Variants in LIPE observed in about 807,000 individuals in gnomAD.
The protein encoded by LIPE is lipase E, hormone sensitive type, also known as hormone-sensitive lipase.
LIPE carries 66 observed loss-of-function variants against 88.5 expected under a neutral mutation model. The observed-to-expected ratio is 0.75, with a 90% CI of 0.61 to 0.91. LIPE has a LOEUF of 0.91. Among genes scored for constraint, LIPE ranks in the 40% least tolerant of loss-of-function variants. The pLI is 0.00. For synonymous variants in LIPE, 570 were observed against 617.5 expected (o/e 0.92, Z 1.14); for missense variants, 1,346 against 1,434.7 (o/e 0.94, Z 1.00).
intron 1 of LIPE, among the ~76,000 whole-genome samples, chr19:42,425,632 C>G (rs962115613): frequency 1.3e-5 from 2 of 152,088 alleles, no homozygotes; most frequent in South Asian, 4.2e-4. Context: ...GGCAACATAG[C>G]GAGGCCACGT....
intron 1 of LIPE, chr19:42,423,611 C>G: frequency 8.3e-7 from 1 of 1,197,834 alleles, no homozygotes; most frequent in Non-Finnish European, 1.1e-6. Flanking sequence ...CCTCGCTACA[C>G]ACTACTGTCG....
chr19:42,424,991 G>A (rs1205148021), intron 1 of LIPE: 1 of 264,182 alleles, frequency 3.8e-6, no homozygotes, highest in East Asian at 1.1e-4. Context: ...CCCTGACCTT[G>A]CCTGAGACCT....
At chr19:42,423,036 C>A (rs1244608184) in intron 1 of LIPE, 2 of 232,986 alleles carry the variant, frequency 8.6e-6, no homozygotes, top group South Asian at 8.2e-5. Context: ...CCTCCTTCCC[C>A]CTTATCCTCT....
Position 42,407,022 on chromosome 19 carries a change from A to T in LIPE, c.2137+152T>A. On this transcript the variant is annotated intron_variant, in intron 6 of 9. Coordinates refer to ENST00000244289, the MANE Select transcript of LIPE (RefSeq NM_005357.4). This position sits in a 1 kb window ranked among gnomAD's most constrained non-coding sequence, Gnocchi z 5.8. ...TTGGGGACAGAGGATAAAGTGGCTG[A>T]GGTGGAAGATTGGGCAGGACCTGGG... The T allele has an allele frequency of 1.5e-6, 1 of 673,418 alleles. No homozygotes were observed. The allele number at this position is 673,418 out of a possible 1,614,324, so 41.7% of individuals were successfully genotyped here. A position where few individuals can be genotyped will look rare whatever the true frequency, so the allele number is the denominator to read the frequency against.
rs923183491 is a variant in LIPE at position 42,421,984 on chromosome 19, C to T, written c.883+4283G>A. Among the ~76,000 whole-genome samples, 5 of 152,234 alleles carry T rather than the reference C, an allele frequency of 3.3e-5. No individual in the cohort carries two copies. The East Asian group carries it at 9.6e-4, about 29-fold the overall frequency. ...ACTGGATTCTGACTCCTCATGACAA[C>T]CCTAAGGGAAGCGTGATTATTATGA... On this transcript the variant is annotated intron_variant, in intron 1 of 9. Transcript: ENST00000244289.
rs764334767 is a variant in LIPE, at chr19:42,426,606, C to G, written c.544G>C (p.Glu182Gln). Residue 182 changes from glutamate to glutamine, a missense_variant, in exon 1 of 10, where the codon GAA becomes CAA. Transcript: ENST00000244289. Reference protein sequence around the residue: ...PTESTSQETPEQSDKQTTPVQ... With the variant: ...PTESTSQETPQQSDKQTTPVQ... ...GGCGTTGTTTGCTTGTCTGACTGTTCAGGTGTCTCTTGGGACGTAGATTCA... is the reference window on the plus strand; with the variant it reads ...GGCGTTGTTTGCTTGTCTGACTGTTGAGGTGTCTCTTGGGACGTAGATTCA... 5.0e-6 allele frequency: 8 copies of G among 1,614,184 alleles called. No individual in the cohort carries two copies. The highest frequency in any genetic ancestry group is 6.8e-6 in the Non-Finnish European group (8 of 1,180,042).
rs1415425481 is a variant in LIPE at position 42,407,310 on chromosome 19, G to C, written c.2001C>G (p.Leu667=). Residue 667 remains leucine, a synonymous_variant, in exon 6 of 10, where the codon CTC becomes CTG. Coordinates refer to ENST00000244289, the MANE Select transcript of LIPE (RefSeq NM_005357.4). The surrounding 1 kb of genome is among the most constrained non-coding windows in gnomAD (Gnocchi z 5.8). ...AQTSRSHEPY[L]KSWAQELGAP... is the part of the protein sequence containing the mutation. ...CGCCCAGCTCCTGGGCCCAGCTCTT[G>C]AGGTAGGGCTCGTGGGATCTGGAGG... 4 of 1,611,566 alleles carry C rather than the reference G, an allele frequency of 2.5e-6. No homozygotes were observed. In the South Asian group the frequency reaches 4.4e-5, roughly 18 times the overall value.
chr19:42,424,046 G>T, intron 1 of LIPE: 1 of 1,183,484 alleles, frequency 8.4e-7, no homozygotes, highest in Non-Finnish European at 1.1e-6. Context: ...TCAAAGACGA[G>T]GCGGGGCGCC....
At position 42,410,275 on chromosome 19, in the gene LIPE, G is replaced by A. The variant is rs373163203; in HGVS notation, c.1419+32C>T. 93 of 1,522,254 alleles carry A rather than the reference G, an allele frequency of 6.1e-5. No individual in the cohort carries two copies. The highest frequency in any genetic ancestry group is 8.0e-5 in the Non-Finnish European group (90 of 1,129,814). The allele number at this position is 1,522,254 out of a possible 1,614,324, so 94.3% of individuals were successfully genotyped here. A position where few individuals can be genotyped will look rare whatever the true frequency, so the allele number is the denominator to read the frequency against. On this transcript the variant is annotated intron_variant, in intron 2 of 9. Transcript: ENST00000244289. The surrounding 1 kb of genome is among the most constrained non-coding windows in gnomAD (Gnocchi z 6.1). ...AGGGGCCACCAGGTGCCTTCATTGT[G>A]GGCCCAGAGGGGCACGGGGCAGGGG...
rs1386233125 is a variant in LIPE at position 42,426,757 on chromosome 19, C to CA, written c.392dup (p.Leu131PhefsTer24). Reference sequence around the variant, plus strand: ...CTGGCTGGGCTACATGTCTTTGTCTCAATGCTGGCTCCTGTTGAGTTATAG... The same window carrying CA: ...CTGGCTGGGCTACATGTCTTTGTCTCAAATGCTGGCTCCTGTTGAGTTATAG... On this transcript the variant is annotated frameshift_variant, in exon 1 of 10. Coordinates refer to ENST00000244289, the MANE Select transcript of LIPE (RefSeq NM_005357.4). LOFTEE classifies it high-confidence loss of function. 2 of 1,613,960 alleles carry CA rather than the reference C, an allele frequency of 1.2e-6. No homozygotes were observed. The highest frequency in any genetic ancestry group is 1.7e-6 in the Non-Finnish European group (2 of 1,179,992).
chr19:42,407,184 G>A lies in LIPE; in HGVS notation c.2127C>T (p.Cys709=), dbSNP rs752558375. Reference sequence around the variant, plus strand: ...GGGCCTGAGGCTCACCAAGGAGGGCGCAGTGCTTGATGGCCCAGCAGTAGG... The same window carrying A: ...GGGCCTGAGGCTCACCAAGGAGGGCACAGTGCTTGATGGCCCAGCAGTAGG... ...FFAYCWAIKH[C]ALLGSTGERI... The change falls in exon 6 of 10, where the codon TGC becomes TGT. Residue 709 remains cysteine, a synonymous_variant. Coordinates refer to ENST00000244289, the MANE Select transcript of LIPE (RefSeq NM_005357.4). The surrounding 1 kb of genome is among the most constrained non-coding windows in gnomAD (Gnocchi z 5.8). 1.3e-6 allele frequency: 2 copies of A among 1,513,348 alleles called. No homozygotes were observed. The highest frequency in any genetic ancestry group is 1.3e-5 in the South Asian group (1 of 78,928). The allele number at this position is 1,513,348 out of a possible 1,614,324, so 93.7% of individuals were successfully genotyped here.
rs967358877 is a variant in LIPE, at chr19:42,401,980, GTCC to G, written c.3060_3062del (p.Glu1020del). On this transcript the variant is annotated inframe_deletion, in exon 10 of 10. Transcript: ENST00000244289. ...CTAGGGTCAGGAAGCCGTGCGGCAG[GTCC>G]TCCACCACGCGCAGCGTCACCGGCT... 1.3e-6 allele frequency: 2 copies of G among 1,555,950 alleles called. No homozygotes were observed. The highest frequency in any genetic ancestry group is 2.7e-5 in the African/African-American group (2 of 73,030).
chr19:42,424,966 T>C, intron 1 of LIPE: 1 of 287,600 alleles, frequency 3.5e-6, no homozygotes, highest in Non-Finnish European at 6.8e-6. Flanking sequence ...CTCCCCCAAC[T>C]TTCCTGCCGT....
intron 1 of LIPE, among the ~76,000 whole-genome samples, chr19:42,413,715 G>C (rs1234424563): frequency 3.9e-5 from 6 of 152,172 alleles, no homozygotes; most frequent in Non-Finnish European, 7.3e-5. Flanking sequence ...GTGTGACTGA[G>C]GGGCTCTGAG....
Position 42,410,539 on chromosome 19 carries a change from G to A in LIPE, c.1187C>T (p.Ser396Phe), listed in dbSNP as rs1360290355. ...HLLHKSRYVA[S>F]NRRSIFFRTS... is the part of the protein sequence containing the mutation. Reference sequence around the variant, plus strand: ...GCGGAAGAAGATGCTGCGGCGGTTGGAGGCCACATAGCGGGATTTGTGCAG... The same window carrying A: ...GCGGAAGAAGATGCTGCGGCGGTTGAAGGCCACATAGCGGGATTTGTGCAG... Residue 396 changes from serine (S) to phenylalanine (F), a missense_variant, in exon 2 of 10, where the codon TCC becomes TTC. Physicochemically the swap from Ser to Phe is radical, Grantham distance 155. Coordinates refer to ENST00000244289, the MANE Select transcript of LIPE (RefSeq NM_005357.4). The surrounding 1 kb of genome is among the most constrained non-coding windows in gnomAD (Gnocchi z 6.1). The A allele has an allele frequency of 6.2e-7, 1 of 1,612,718 alleles. No individual in the cohort carries two copies. The highest frequency in any genetic ancestry group is 8.5e-7 in the Non-Finnish European group (1 of 1,179,960).
At chr19:42,403,943 A>G (rs935502888) in intron 8 of LIPE, among the ~76,000 whole-genome samples, 9 of 152,134 alleles carry the variant, frequency 5.9e-5, no homozygotes, top group African/African-American at 2.2e-4. Context: ...CAAGTGCCCA[A>G]ACGATGCTAA....
At position 42,427,041 on chromosome 19, in the gene LIPE, G is replaced by T. The variant is rs139955655; in HGVS notation, c.109C>A (p.Pro37Thr). 6.2e-7 allele frequency: 1 copy of T among 1,614,064 alleles called. No homozygotes were observed. The highest frequency in any genetic ancestry group is 1.3e-5 in the African/African-American group (1 of 74,996). Residue 37 changes from proline (P) to threonine (T), a missense_variant, in exon 1 of 10, where the codon CCA (proline) becomes ACA (threonine). Physicochemically the swap from Pro to Thr is conservative, Grantham distance 38. Transcript: ENST00000244289. ...PGPEKTPIAQ[P>T]ESKTLQGSNT... ...GATCCCTGCAGAGTCTTCGATTCTGGCTGGGCTATGGGTGTCTTTTCTGGC... is the reference window on the plus strand; with the variant it reads ...GATCCCTGCAGAGTCTTCGATTCTGTCTGGGCTATGGGTGTCTTTTCTGGC...
At position 42,414,980 on chromosome 19, in the gene LIPE, C is replaced by T. The variant is rs1258532798; in HGVS notation, c.884-4138G>A. On this transcript the variant is annotated intron_variant, in intron 1 of 9. Transcript: ENST00000244289. The surrounding 1 kb of genome is among the most constrained non-coding windows in gnomAD (Gnocchi z 4.6). ...GGCACGGTGGCTAATGCCTGTAATC[C>T]CAGCACTTTGGGAGGCTGAGGCAGG... Among the ~76,000 whole-genome samples, 2 of 152,290 alleles carry T rather than the reference C, an allele frequency of 1.3e-5. No individual in the cohort carries two copies. The highest frequency in any genetic ancestry group is 3.9e-4 in the East Asian group (2 of 5,192).
intron 1 of LIPE, among the ~76,000 whole-genome samples, chr19:42,411,783 G>T (rs2040382484): frequency 6.6e-6 from 1 of 152,160 alleles, no homozygotes; most frequent in Non-Finnish European, 1.5e-5. Context: ...TCCCCTGCCT[G>T]GAACAGCGAT....
Sources: gnomAD v4.1 joint callset for allele counts (sites outside exome capture counted in the v4.1 genomes callset) on GRCh38, gnomAD v4.1.1 for gene constraint, Gnocchi (gnomAD v3.1) non-coding constraint, MANE v1.5 for transcripts, NCBI Gene and HGNC (gene_info 2026-07-23, HGNC 2026-07-21) for gene names.